NXPE1: variants seen among roughly 807,000 people sequenced by gnomAD.
NXPE1 encodes the protein NXPE family member 1.
Under a neutral mutation model 33.3 loss-of-function variants are expected in NXPE1, and 31 were observed. The ratio of observed to expected loss-of-function variants is 0.93; its 90% CI spans 0.70 to 1.26. The LOEUF (loss-of-function observed/expected upper bound fraction) is 1.26. Ranked by LOEUF, NXPE1 falls within the 50% of genes most tolerant of loss-of-function variation. NXPE1 has a pLI of 0.00. For missense variants in NXPE1, 661 were observed against 655.6 expected (o/e 1.01, Z -0.09); for synonymous variants, 229 against 231.4 (o/e 0.99, Z 0.09).
At chr11:114,530,525 A>G (rs7941796) in exon 6 of NXPE1, 256,551 of 1,613,966 alleles carry the variant, frequency 0.16, 27,828 homozygotes, top group African/African-American at 0.53. Context: ...GGTAGGTGCC[A>G]TTGTTGAAGT....
In NXPE1 at chr11:114,522,339, G is replaced by A. The variant is rs115946153; in HGVS notation, c.1273C>T (p.Arg425Trp). The A allele has an allele frequency of 5.6e-6, 9 of 1,614,034 alleles. No individual in the cohort carries two copies. The highest frequency in any genetic ancestry group is 2.7e-5 in the African/African-American group (2 of 75,016). ...GCTGTGTTTTTGTCACCTGATAGCC[G>A]GTCAATTTCCCGAGGGATATAATCA... The change falls in exon 9 of 9, where the codon CGG becomes TGG. Residue 425 changes from arginine to tryptophan, a missense_variant. Transcript: ENST00000534921.
chr11:114,539,855 T>G (rs1019236853), intron 5 of NXPE1, among the ~76,000 whole-genome samples: 1 of 152,220 alleles, frequency 6.6e-6, no homozygotes, highest in East Asian at 1.9e-4. Context: ...AATCAGAAAA[T>G]TATATTTCGT....
At chr11:114,543,483 T>C (rs958256903) in intron 5 of NXPE1, among the ~76,000 whole-genome samples, 1 of 151,410 alleles carries the variant, frequency 6.6e-6, no homozygotes, top group Non-Finnish European at 1.5e-5. Context: ...TTTGTGCCAC[T>C]GCACTCCAGC....
chr11:114,556,018 T>C (rs1948639417), intron 1 of NXPE1, among the ~76,000 whole-genome samples: 3 of 150,466 alleles, frequency 2.0e-5, no homozygotes, highest in African/African-American at 4.8e-5. Flanking sequence ...TTTTGGTAAG[T>C]ACCTAAGGGT....
intron 5 of NXPE1, among the ~76,000 whole-genome samples, chr11:114,543,664 A>C (rs1425195175): frequency 6.6e-6 from 1 of 152,192 alleles, no homozygotes; most frequent in African/African-American, 2.4e-5. Flanking sequence ...CACTTCCCCA[A>C]TATTGGAACC....
At chr11:114,551,129 A>G in exon 5 of NXPE1, 1 of 1,531,096 alleles carries the variant, frequency 6.5e-7, no homozygotes, top group South Asian at 1.2e-5. Flanking sequence ...GAAATTATAA[A>G]AATCATCCAG....
chr11:114,552,722 A>T (rs1948537795), intron 2 of NXPE1, 130 bp downstream of exon 2: 1 of 183,506 alleles, frequency 5.4e-6, no homozygotes, highest in African/African-American at 2.4e-5. Flanking sequence ...CCTAGAAAGT[A>T]GTGCGTATGG....
chr11:114,525,042 T>G (rs1305599410), intron 7 of NXPE1, among the ~76,000 whole-genome samples: 1 of 152,068 alleles, frequency 6.6e-6, no homozygotes, highest in Non-Finnish European at 1.5e-5. Flanking sequence ...TGTACTTCAA[T>G]TGTCCTGTAC....
intron 4 of NXPE1, 40 bp from the exon 5 acceptor site, chr11:114,551,251 A>G: frequency 8.0e-6 from 11 of 1,366,920 alleles, no homozygotes; most frequent in Non-Finnish European, 1.1e-5. Flanking sequence ...TGAGAAGTGA[A>G]TCTCTCTGTA....
intron 5 of NXPE1, among the ~76,000 whole-genome samples, chr11:114,536,848 G>T (rs1454132942): frequency 3.3e-5 from 5 of 152,158 alleles, no homozygotes; most frequent in Admixed American, 3.3e-4. Context: ...AATTCTACCA[G>T]AGGTACAAAG....
chr11:114,528,137 C>A (rs907606399), intron 6 of NXPE1, among the ~76,000 whole-genome samples: 1 of 152,160 alleles, frequency 6.6e-6, no homozygotes, highest in East Asian at 1.9e-4. Context: ...CACATGTAAT[C>A]AGTGTGTCCT....
chr11:114,551,169 C>T (rs1397167491), exon 5 of NXPE1: 7 of 1,535,194 alleles, frequency 4.6e-6, no homozygotes, highest in Admixed American at 3.9e-5. Context: ...TCAAGATCAG[C>T]AGCGTTTTTT....
chr11:114,540,836 T>A (rs1163602509), intron 5 of NXPE1, among the ~76,000 whole-genome samples: 1 of 93,626 alleles, frequency 1.1e-5, no homozygotes. Context: ...TAGAAAGCCA[T>A]CTTTTTTTTT....
intron 2 of NXPE1, among the ~76,000 whole-genome samples, chr11:114,552,311 G>A (rs1342320091): frequency 1.3e-5 from 2 of 152,098 alleles, no homozygotes; most frequent in African/African-American, 4.8e-5. Flanking sequence ...ATACAGAAGA[G>A]AAGACAAGGG....
At chr11:114,527,785 A>G (rs748807076) in intron 7 of NXPE1, 55 bp downstream of exon 7, 22 of 1,220,342 alleles carry the variant, frequency 1.8e-5, no homozygotes, top group East Asian at 9.8e-5. Flanking sequence ...ATTTAGGTTA[A>G]TGCTGATAAA....
intron 6 of NXPE1, 146 bp from the exon 7 acceptor site, chr11:114,528,047 A>C: frequency 1.7e-6 from 1 of 576,006 alleles, no homozygotes; most frequent in Non-Finnish European, 3.0e-6. Context: ...TATATTGGGT[A>C]TTGTAAATGA....
At chr11:114,523,555 A>C (rs1200194047) in intron 7 of NXPE1, among the ~76,000 whole-genome samples, 1 of 152,148 alleles carries the variant, frequency 6.6e-6, no homozygotes, top group Non-Finnish European at 1.5e-5. Flanking sequence ...AAATATAAAA[A>C]CCTCAAATAG....
chr11:114,520,975 C>A (rs1947198103), downstream of NXPE1, among the ~76,000 whole-genome samples: 1 of 152,178 alleles, frequency 6.6e-6, no homozygotes. Context: ...CCTGCTATAT[C>A]CATAGTAAAG....
At chr11:114,556,267 C>A (rs546299647) in intron 1 of NXPE1, among the ~76,000 whole-genome samples, 1 of 152,282 alleles carries the variant, frequency 6.6e-6, no homozygotes, top group African/African-American at 2.4e-5. Flanking sequence ...CCACGTTCCT[C>A]CTTTTTACTG....
Sources: gnomAD v4.1 joint callset for allele counts (sites outside exome capture counted in the v4.1 genomes callset) on GRCh38, gnomAD v4.1.1 for gene constraint, MANE v1.5 for transcripts, NCBI Gene and HGNC (gene_info 2026-07-23, HGNC 2026-07-21) for gene names.